MOB3C: variants seen among roughly 807,000 people sequenced by gnomAD.
MOB3C encodes MOB kinase activator 3C.
A neutral mutation model predicts 19.8 loss-of-function variants in MOB3C; 17 were observed. The ratio of observed to expected loss-of-function variants is 0.86; its 90% CI spans 0.59 to 1.29. The LOEUF (loss-of-function observed/expected upper bound fraction) is 1.29, where lower values mean the gene tolerates loss of function less well. MOB3C is among the 50% of genes most tolerant of loss of function. The pLI is 0.00. For synonymous variants in MOB3C, 101 were observed against 119.2 expected, an observed-to-expected ratio of 0.85 and a Z score of 0.99; for missense variants, 291 against 301.9, an observed-to-expected ratio of 0.96 and a Z score of 0.27.
intron 1 of MOB3C, chr1:46,615,234 TC>T (rs1675539849): frequency 1.6e-6 from 1 of 606,998 alleles, no homozygotes; most frequent in African/African-American, 1.9e-5. Flanking sequence ...GTCCTACCTT[TC>T]CTGCCCCACT....
Position 46,609,137 on chromosome 1 carries a change from A to G in MOB3C, c.*518T>C, listed in dbSNP as rs902988994. Reference sequence around the variant, plus strand: ...ATGGTCCCATGGTCTGATGGTCCCAATCTATTTATCCATCCATCCAACATT... The same window carrying G: ...ATGGTCCCATGGTCTGATGGTCCCAGTCTATTTATCCATCCATCCAACATT... On this transcript the variant is annotated 3_prime_UTR_variant, in exon 4 of 4. Coordinates refer to ENST00000319928, the MANE Select transcript of MOB3C (RefSeq NM_201403.3). The G allele has an allele frequency of 1.5e-5, 3 of 195,500 alleles. No individual in the cohort carries two copies. Among genetic ancestry groups the G allele is most frequent in the South Asian group, 8.3e-5 (1 of 12,100 alleles). 12.1% of individuals were successfully genotyped at this position (195,500 alleles called of 1,614,324 possible).
At chr1:46,614,918 G>A in intron 1 of MOB3C, 2 of 1,365,432 alleles carry the variant, frequency 1.5e-6, no homozygotes, top group Non-Finnish European at 2.1e-6. Context: ...GAGCAGCTTG[G>A]AGAGTAGAAA....
At chr1:46,614,777 G>A (rs1675533039) in intron 1 of MOB3C, 1 of 551,960 alleles carries the variant, frequency 1.8e-6, no homozygotes, top group South Asian at 2.5e-5. Flanking sequence ...AAAAGCAAAG[G>A]GATGGCACAT....
Position 46,607,919 on chromosome 1 carries a change from AC to A in MOB3C, c.*1735del, listed in dbSNP as rs1250157253. On this transcript the variant is annotated 3_prime_UTR_variant, in exon 4 of 4. Coordinates refer to ENST00000319928, the MANE Select transcript of MOB3C (RefSeq NM_201403.3). ...CAGCCTCTGGCAAAGCTGCCAGGCCACTCTGGAGGCGGCAGAGGCAGAAGTC... is the reference window on the plus strand; with the variant it reads ...CAGCCTCTGGCAAAGCTGCCAGGCCATCTGGAGGCGGCAGAGGCAGAAGTC... The A allele has an allele frequency of 6.6e-6, 1 of 152,126 alleles. No homozygotes were observed. The highest frequency in any genetic ancestry group is 1.9e-4 in the East Asian group (1 of 5,184). 9.4% of individuals were successfully genotyped at this position (152,126 alleles called of 1,614,324 possible). A position where few individuals can be genotyped will look rare whatever the true frequency, so the allele number is the denominator to read the frequency against.
chr1:46,613,015 C>T lies in MOB3C; in HGVS notation c.307G>A (p.Glu103Lys), dbSNP rs778021599. Residue 103 changes from glutamate (E) to lysine (K), a missense_variant, in exon 2 of 4, where the codon GAG (glutamate) becomes AAG (lysine). Glu to Lys is a moderately conservative substitution (Grantham distance 56). Coordinates refer to ENST00000319928, the MANE Select transcript of MOB3C (RefSeq NM_201403.3). ...GPRYEYRWQD[E>K]RQYRRPAKLS... is the part of the protein sequence containing the mutation. ...TTGGCGGGCCGCCGGTACTGGCGCT[C>T]GTCCTGCCAGCGGTACTCGTAGCGG... 9.3e-6 allele frequency: 15 copies of T among 1,613,520 alleles called. No individual in the cohort carries two copies. Among genetic ancestry groups the T allele is most frequent in the African/African-American group, 1.3e-5 (1 of 75,066 alleles).
At chr1:46,612,790 C>T in intron 2 of MOB3C, 114 bp downstream of exon 2, 1 of 1,101,250 alleles carries the variant, frequency 9.1e-7, no homozygotes, top group Middle Eastern at 2.1e-4. Context: ...CTTTCCTCTT[C>T]CACAAAATGG....
chr1:46,613,608 T>C, intron 1 of MOB3C: 1 of 556,946 alleles, frequency 1.8e-6, no homozygotes, highest in South Asian at 2.4e-5. Context: ...TTTTCTGCTT[T>C]CATTGCAGAG....
At chr1:46,614,681 C>T (rs879022187) in intron 1 of MOB3C, 4 of 350,362 alleles carry the variant, frequency 1.1e-5, no homozygotes, top group African/African-American at 2.1e-5. Context: ...TGACCTCTGA[C>T]GCTGGAGCAC....
intron 2 of MOB3C, 74 bp from the exon 3 acceptor site, chr1:46,610,278 C>G: frequency 7.1e-7 from 1 of 1,401,510 alleles, no homozygotes; most frequent in South Asian, 1.2e-5. Flanking sequence ...CCCTCCCACA[C>G]ACAGGCAACC....
At position 46,609,081 on chromosome 1, in the gene MOB3C, C is replaced by T. The variant is rs904483848; in HGVS notation, c.*574G>A. On this transcript the variant is annotated 3_prime_UTR_variant, in exon 4 of 4. Transcript: ENST00000319928. The stretch of plus-strand genomic sequence containing the variant: ...AGATACACTGAGTGGGGACGCTGAG[C>T]TGTCATCACTCCTACAGTGGTCATG... 1.6e-4 allele frequency: 27 copies of T among 164,216 alleles called. No homozygotes were observed. Among genetic ancestry groups the T allele is most frequent in the Non-Finnish European group, 3.0e-4 (22 of 74,510 alleles). 10.2% of individuals were successfully genotyped at this position (164,216 alleles called of 1,614,324 possible).
Position 46,610,017 on chromosome 1 carries a change from C to T in MOB3C, c.606G>A (p.Arg202=). 6.2e-7 allele frequency: 1 copy of T among 1,614,236 alleles called. No individual in the cohort carries two copies. Among genetic ancestry groups the T allele is most frequent in the Non-Finnish European group, 8.5e-7 (1 of 1,180,042 alleles). ...FIREFSLVDQ[R]ELEPLREMTE... ...TTGGCCTCACCAGTGGCTCCAGCTC[C>T]CGCTGGTCCACCAGACTGAACTCGC... The change falls in exon 3 of 4, where the codon CGG becomes CGA. Residue 202 remains arginine, a synonymous_variant. Coordinates refer to ENST00000319928, the MANE Select transcript of MOB3C (RefSeq NM_201403.3).
In MOB3C at chr1:46,613,033, C is replaced by G. The variant is rs141351633; in HGVS notation, c.289G>C (p.Glu97Gln). The stretch of plus-strand genomic sequence containing the variant: ...TGGCGCTCGTCCTGCCAGCGGTACT[C>G]GTAGCGGGGCCCGCCGGCCATGACC... Reference protein sequence around the residue: ...CPVMAGGPRYEYRWQDERQYR... With the variant: ...CPVMAGGPRYQYRWQDERQYR... The change falls in exon 2 of 4, where the codon GAG (glutamate) becomes CAG (glutamine). Residue 97 changes from glutamate to glutamine, a missense_variant. Coordinates refer to ENST00000319928, the MANE Select transcript of MOB3C (RefSeq NM_201403.3). 1.1e-5 allele frequency: 18 copies of G among 1,613,858 alleles called. No individual in the cohort carries two copies. The highest frequency in any genetic ancestry group is 1.4e-5 in the Non-Finnish European group (17 of 1,179,960).
rs1222992831 is a variant in MOB3C, at chr1:46,609,147, C to T, written c.*508G>A. ...GGTCTGATGGTCCCAATCTATTTAT[C>T]CATCCATCCAACATTTATGGAAGGC... On this transcript the variant is annotated 3_prime_UTR_variant, in exon 4 of 4. Coordinates refer to ENST00000319928, the MANE Select transcript of MOB3C (RefSeq NM_201403.3). 2.0e-5 allele frequency: 4 copies of T among 201,068 alleles called. No individual in the cohort carries two copies. The highest frequency in any genetic ancestry group is 7.6e-5 in the South Asian group (1 of 13,110). The allele number at this position is 201,068 out of a possible 1,614,324, so 12.5% of individuals were successfully genotyped here.
intron 3 of MOB3C, 37 bp from the exon 4 acceptor site, chr1:46,609,721 C>T: frequency 6.2e-7 from 1 of 1,612,906 alleles, no homozygotes; most frequent in South Asian, 1.1e-5. Context: ...TCAATTAGAG[C>T]TCAGCCTACT....
intron 1 of MOB3C, chr1:46,615,451 A>C: frequency 4.7e-6 from 1 of 214,600 alleles, no homozygotes; most frequent in Non-Finnish European, 9.2e-6. Flanking sequence ...TGCAGTCTCC[A>C]CTCCATCCCC....
At chr1:46,609,744 C>T in intron 3 of MOB3C, 60 bp from the exon 4 acceptor site, 3 of 1,603,656 alleles carry the variant, frequency 1.9e-6, no homozygotes, top group Non-Finnish European at 2.6e-6. Flanking sequence ...GCAATCCCTT[C>T]CCAAACCATA....
chr1:46,609,888 G>A (rs1675432170), intron 3 of MOB3C, 114 bp downstream of exon 3: 12 of 1,308,340 alleles, frequency 9.2e-6, no homozygotes, highest in Non-Finnish European at 1.3e-5. Flanking sequence ...TAAATGAATT[G>A]CCTTCCCCTA....
chr1:46,609,948 G>C, intron 3 of MOB3C, 54 bp downstream of exon 3: 1 of 1,600,736 alleles, frequency 6.2e-7, no homozygotes. Flanking sequence ...GCTTTTGGAC[G>C]TGAAAACTCA....
chr1:46,613,530 G>T, intron 1 of MOB3C, 159 bp from the exon 2 acceptor site: 9 of 679,546 alleles, frequency 1.3e-5, no homozygotes, highest in Non-Finnish European at 2.2e-5. Flanking sequence ...CCAGTGCCCC[G>T]CCCTCTTTCC....
Sources: allele counts gnomAD v4.1 joint callset, GRCh38; gene constraint gnomAD v4.1.1; transcripts MANE v1.5; gene names NCBI Gene and HGNC (gene_info 2026-07-23, HGNC 2026-07-21).